The following ZNF521 variants were observed in gnomAD, a reference collection of about 807,000 sequenced individuals.
ZNF521 encodes zinc finger protein 521.
Under a neutral mutation model 105.5 loss-of-function variants are expected in ZNF521, and 14 were observed. That is an observed-to-expected ratio of 0.13 (90% CI 0.09 to 0.21). The LOEUF (loss-of-function observed/expected upper bound fraction) is 0.21, where lower values mean the gene tolerates loss of function less well. ZNF521 is among the 10% of genes least tolerant of loss of function. The pLI, the probability that ZNF521 is intolerant of heterozygous loss-of-function variation, is 1.00. For missense variants in ZNF521, 1,233 were observed against 1,629.7 expected (o/e 0.76, Z 4.19); for synonymous variants, 635 against 606.0 (o/e 1.05, Z -0.70).
chr18:25,192,940 C>T (rs2035844291), intron 5 of ZNF521, among the ~76,000 whole-genome samples: 1 of 152,006 alleles, frequency 6.6e-6, no homozygotes, highest in South Asian at 2.1e-4. Flanking sequence ...GGATGCTACT[C>T]ATTTGTTTAG....
chr18:25,292,506 GTTTTC>G (rs1206134522), intron 3 of ZNF521, among the ~76,000 whole-genome samples: 1 of 152,094 alleles, frequency 6.6e-6, no homozygotes, highest in Non-Finnish European at 1.5e-5. Context: ...GACTAACTGT[GTTTTC>G]TTTTGTGTCC....
intron 2 of ZNF521, among the ~76,000 whole-genome samples, chr18:25,332,970 A>G (rs1296763945): frequency 6.6e-6 from 1 of 152,144 alleles, no homozygotes; most frequent in Admixed American, 6.6e-5. Context: ...GTTCCCACTT[A>G]TATTGTCTCA....
At chr18:25,343,668 T>TA (rs1914332229) in intron 2 of ZNF521, among the ~76,000 whole-genome samples, 2 of 152,100 alleles carry the variant, frequency 1.3e-5, no homozygotes. Flanking sequence ...CATCTTTATT[T>TA]AAAAATAAGA....
At chr18:25,187,689 T>G (rs1600134193) in intron 5 of ZNF521, among the ~76,000 whole-genome samples, 1 of 152,206 alleles carries the variant, frequency 6.6e-6, no homozygotes, top group African/African-American at 2.4e-5. Flanking sequence ...TCAGCCACAA[T>G]GTCCCAGGGC....
chr18:25,268,277 G>C (rs955964016), intron 3 of ZNF521, among the ~76,000 whole-genome samples: 7 of 152,126 alleles, frequency 4.6e-5, no homozygotes, highest in African/African-American at 1.7e-4. Flanking sequence ...AGAAATATGA[G>C]ACTATGTGAA....
At chr18:25,166,467 T>C (rs1280571935) in intron 5 of ZNF521, among the ~76,000 whole-genome samples, 1 of 152,232 alleles carries the variant, frequency 6.6e-6, no homozygotes, top group Non-Finnish European at 1.5e-5. Flanking sequence ...TTTCTGGTTC[T>C]AGATCATTAT....
intron 3 of ZNF521, among the ~76,000 whole-genome samples, chr18:25,232,163 C>A (rs1490531849): frequency 6.6e-6 from 1 of 152,124 alleles, no homozygotes; most frequent in Non-Finnish European, 1.5e-5. Flanking sequence ...TGTGTAGGAA[C>A]CAAAAGTCAA....
At chr18:25,246,189 C>T (rs887181860) in intron 3 of ZNF521, among the ~76,000 whole-genome samples, 1 of 151,400 alleles carries the variant, frequency 6.6e-6, no homozygotes, top group Non-Finnish European at 1.5e-5. Flanking sequence ...CAAACCTGCA[C>T]GTTGTGCACA....
At chr18:25,212,182 CT>C (rs2036190967) in intron 4 of ZNF521, among the ~76,000 whole-genome samples, 1 of 151,934 alleles carries the variant, frequency 6.6e-6, no homozygotes. Flanking sequence ...GTTTTGGAAA[CT>C]GCTTATCAAG....
At chr18:25,181,686 A>G (rs555043356) in intron 5 of ZNF521, among the ~76,000 whole-genome samples, 1 of 152,324 alleles carries the variant, frequency 6.6e-6, no homozygotes, top group African/African-American at 2.4e-5. Flanking sequence ...AAAAATATCT[A>G]CCTATGCATT....
At chr18:25,081,096 A>G (rs1490610235) in intron 7 of ZNF521, among the ~76,000 whole-genome samples, 4 of 136,468 alleles carry the variant, frequency 2.9e-5, no homozygotes, top group Non-Finnish European at 6.3e-5. Flanking sequence ...GCCCAGCCAA[A>G]GCAGAATGTG....
chr18:25,221,365 A>T (rs1905716000), intron 4 of ZNF521, among the ~76,000 whole-genome samples: 3 of 152,142 alleles, frequency 2.0e-5, no homozygotes, highest in Admixed American at 2.0e-4. Context: ...TTAAGTTTAA[A>T]TCCCTTTTAA....
At chr18:25,338,037 A>G (rs1401667319) in intron 2 of ZNF521, among the ~76,000 whole-genome samples, 1 of 152,154 alleles carries the variant, frequency 6.6e-6, no homozygotes, top group Non-Finnish European at 1.5e-5. Context: ...ACTCACATAT[A>G]TACATCACAA....
At chr18:25,297,891 A>G (rs1911413695) in intron 3 of ZNF521, among the ~76,000 whole-genome samples, 2 of 152,132 alleles carry the variant, frequency 1.3e-5, no homozygotes, top group Non-Finnish European at 2.9e-5. Context: ...GTACAGAAAT[A>G]TTTCCCTCCC....
chr18:25,082,222 A>G (rs2033511490), intron 7 of ZNF521, among the ~76,000 whole-genome samples: 1 of 152,206 alleles, frequency 6.6e-6, no homozygotes, highest in South Asian at 2.1e-4. Flanking sequence ...GACACAATTT[A>G]TACTCCTGTG....
chr18:25,325,047 G>A (rs1913138197), intron 2 of ZNF521, among the ~76,000 whole-genome samples: 1 of 152,192 alleles, frequency 6.6e-6, no homozygotes, highest in African/African-American at 2.4e-5. Context: ...CAGCCAACTG[G>A]CGAATTTGTT....
At chr18:25,234,527 T>A (rs1906746631) in intron 3 of ZNF521, among the ~76,000 whole-genome samples, 1 of 152,216 alleles carries the variant, frequency 6.6e-6, no homozygotes, top group Non-Finnish European at 1.5e-5. Flanking sequence ...AACTACTTTT[T>A]TTTTGAAGTT....
intron 3 of ZNF521, among the ~76,000 whole-genome samples, chr18:25,240,953 A>T (rs1907286162): frequency 6.6e-6 from 1 of 151,782 alleles, no homozygotes. Flanking sequence ...ATATTAAAAA[A>T]AAAAAAAAAA....
chr18:25,214,499 T>A (rs1399399888), intron 4 of ZNF521, among the ~76,000 whole-genome samples: 5 of 152,166 alleles, frequency 3.3e-5, no homozygotes. Flanking sequence ...TCAGTGATAG[T>A]ATGCTTTCCT....
Sources: allele counts gnomAD v4.1 joint callset (sites outside exome capture counted in the v4.1 genomes callset), GRCh38; gene constraint gnomAD v4.1.1; transcripts MANE v1.5; gene names NCBI Gene and HGNC (gene_info 2026-07-23, HGNC 2026-07-21).